Variants in INO80 observed in about 807,000 individuals in gnomAD.
INO80 encodes INO80 complex ATPase subunit, also known as chromatin-remodeling ATPase INO80.
In INO80, 20 loss-of-function variants were observed where a neutral mutation model predicts 203.4. The ratio of observed to expected loss-of-function variants is 0.10; its 90% CI spans 0.07 to 0.14. INO80 has a LOEUF of 0.14. Among genes scored for constraint, INO80 ranks in the 10% least tolerant of loss-of-function variants. The pLI is 1.00. For synonymous variants in INO80, 726 were observed against 685.2 expected, an observed-to-expected ratio of 1.06 and a Z score of -0.93; for missense variants, 1,419 against 1,914.4, an observed-to-expected ratio of 0.74 and a Z score of 4.83.
At chr15:41,098,157 T>C (rs1278945995) in intron 1 of INO80, among the ~76,000 whole-genome samples, 1 of 152,158 alleles carries the variant, frequency 6.6e-6, no homozygotes, top group Non-Finnish European at 1.5e-5. Context: ...GCCAACTAAG[T>C]GATAAGCTTT....
rs1596338367 is a variant in INO80, at chr15:41,115,917, C to G, written c.-44+56G>C. The G allele has an allele frequency of 3.4e-5, 13 of 378,964 alleles. No homozygotes were observed. In the East Asian group the frequency reaches 4.6e-4, roughly 13 times the overall value. The allele number at this position is 378,964 out of a possible 1,614,324, so 23.5% of individuals were successfully genotyped here. A position where few individuals can be genotyped will look rare whatever the true frequency, so the allele number is the denominator to read the frequency against. ...CAGTTGTCGCCCGCAGAGAGGGGCG[C>G]AACAAGACCTACACAACCCCCACTC... On this transcript the variant is annotated intron_variant, in intron 1 of 35. Transcript: ENST00000648947.
At chr15:41,050,210 C>T (rs2044846042) in intron 19 of INO80, 108 bp from the exon 20 acceptor site, 1 of 697,930 alleles carries the variant, frequency 1.4e-6, no homozygotes, top group Non-Finnish European at 2.4e-6. Flanking sequence ...TGAGAATAAA[C>T]ATATGTGAAC....
At chr15:41,103,607 T>C (rs952425550) in intron 1 of INO80, among the ~76,000 whole-genome samples, 7 of 152,100 alleles carry the variant, frequency 4.6e-5, no homozygotes, top group Non-Finnish European at 1.0e-4. Context: ...GCCAGGCTAG[T>C]CTCAAACTCC....
At chr15:41,031,748 T>C (rs1450597786) in intron 24 of INO80, among the ~76,000 whole-genome samples, 1 of 151,890 alleles carries the variant, frequency 6.6e-6, no homozygotes, top group Non-Finnish European at 1.5e-5. Context: ...GAATGTCTCA[T>C]TACCCCGGAA....
intron 9 of INO80, among the ~76,000 whole-genome samples, chr15:41,079,029 C>G (rs769512426): frequency 5.9e-5 from 9 of 152,020 alleles, no homozygotes; most frequent in Non-Finnish European, 1.3e-4. Context: ...ATAGTCCCAG[C>G]TACTCAGGAA....
Position 41,031,912 on chromosome 15 carries a change from C to CCACAGCACAGCACAGCACAGCACAG in INO80, c.2908-4201_2908-4177dup, listed in dbSNP as rs1240339775. On this transcript the variant is annotated intron_variant, in intron 24 of 35. Transcript: ENST00000648947. ...AGGCTCCATAGCTGCATACTCCTTG[C>CCACAGCACAGCACAGCACAGCACAG]CACAGCACAGCACAGCACAGCACAG... 1.4e-4 allele frequency among the ~76,000 whole-genome samples: 18 copies of CCACAGCACAGCACAGCACAGCACAG among 128,380 alleles called. 3 individuals carry two copies. Among genetic ancestry groups the CCACAGCACAGCACAGCACAGCACAG allele is most frequent in the South Asian group, 4.9e-4 (2 of 4,042 alleles). The allele number at this position is 128,380 out of a possible 152,430, so 84.2% of individuals were successfully genotyped here. A position where few individuals can be genotyped will look rare whatever the true frequency, so the allele number is the denominator to read the frequency against.
intron 27 of INO80, among the ~76,000 whole-genome samples, chr15:41,015,092 A>C (rs569481644): frequency 1.2e-4 from 19 of 152,308 alleles, no homozygotes; most frequent in African/African-American, 4.3e-4. Context: ...TCCTGTTTCT[A>C]GGTCTGTGAC....
intron 25 of INO80, chr15:41,024,672 C>A (rs1282703458): frequency 6.6e-6 from 1 of 152,222 alleles, no homozygotes; most frequent in African/African-American, 2.4e-5. Context: ...ATTTATTAAC[C>A]CTGCAGAATT....
chr15:41,015,959 A>AAG, intron 27 of INO80, 129 bp downstream of exon 27: 1 of 704,870 alleles, frequency 1.4e-6, no homozygotes, highest in Non-Finnish European at 2.3e-6. Context: ...AAAAAAAAAA[A>AAG]GGAAAAAGAA....
At chr15:40,987,018 C>A in intron 31 of INO80, 73 bp downstream of exon 31, 1 of 852,826 alleles carries the variant, frequency 1.2e-6, no homozygotes. Flanking sequence ...TTTGCCTACC[C>A]TTGGCACACA....
chr15:41,096,457 C>G (rs1469556958), intron 1 of INO80, 104 bp from the exon 2 acceptor site: 6 of 720,672 alleles, frequency 8.3e-6, no homozygotes, highest in Non-Finnish European at 1.2e-5. Context: ...TTCTAGAACA[C>G]AAGACACTGA....
intron 12 of INO80, 29 bp downstream of exon 12, chr15:41,071,820 G>A (rs2045323245): frequency 6.5e-7 from 1 of 1,535,790 alleles, no homozygotes; most frequent in Non-Finnish European, 9.0e-7. Flanking sequence ...AGAGATAATA[G>A]AAGAGAATGA....
At chr15:41,003,626 G>A (rs1367444337) in intron 28 of INO80, among the ~76,000 whole-genome samples, 3 of 151,828 alleles carry the variant, frequency 2.0e-5, no homozygotes, top group Non-Finnish European at 2.9e-5. Flanking sequence ...CACTGTGCCT[G>A]GACTTTATTT....
intron 1 of INO80, among the ~76,000 whole-genome samples, chr15:41,114,583 C>T (rs1411818974): frequency 6.6e-6 from 1 of 152,000 alleles, no homozygotes; most frequent in Non-Finnish European, 1.5e-5. Flanking sequence ...GTGGCAGCCG[C>T]CTGTAATCCC....
intron 1 of INO80, among the ~76,000 whole-genome samples, chr15:41,110,985 T>C (rs2045950654): frequency 6.6e-6 from 1 of 152,208 alleles, no homozygotes; most frequent in Non-Finnish European, 1.5e-5. Flanking sequence ...TTTATTTGCC[T>C]CTTAAAGGCA....
chr15:41,041,554 C>T (rs2044668368), intron 24 of INO80, among the ~76,000 whole-genome samples: 1 of 151,892 alleles, frequency 6.6e-6, no homozygotes, highest in Non-Finnish European at 1.5e-5. Context: ...AATTCTCCTG[C>T]CTCAGCCTCC....
At chr15:41,107,835 C>T (rs939684830) in intron 1 of INO80, among the ~76,000 whole-genome samples, 1 of 150,862 alleles carries the variant, frequency 6.6e-6, no homozygotes, top group East Asian at 2.0e-4. Flanking sequence ...GGCATGGTGG[C>T]TCACGCCTGT....
chr15:41,022,483 T>C (rs1011953158), intron 25 of INO80, among the ~76,000 whole-genome samples: 13 of 152,140 alleles, frequency 8.5e-5, no homozygotes, highest in African/African-American at 3.1e-4. Flanking sequence ...AATAGACCTA[T>C]GTTTTTGACA....
chr15:41,063,318 C>T (rs994364504), intron 14 of INO80, among the ~76,000 whole-genome samples: 15 of 151,160 alleles, frequency 9.9e-5, no homozygotes, highest in African/African-American at 3.7e-4. Flanking sequence ...GCCTGGGCCA[C>T]AGAGCCAGAC....
Sources: allele counts gnomAD v4.1 joint callset (sites outside exome capture counted in the v4.1 genomes callset), GRCh38; gene constraint gnomAD v4.1.1; transcripts MANE v1.5; gene names NCBI Gene and HGNC (gene_info 2026-07-23, HGNC 2026-07-21).